The following EPHA6 variants were observed in gnomAD, a reference collection of about 807,000 sequenced individuals.
EPHA6 encodes ephrin type-A receptor 6.
A neutral mutation model predicts 112.0 loss-of-function variants in EPHA6; 50 were observed. That is an observed-to-expected ratio of 0.45 (90% CI 0.36 to 0.56). EPHA6 has a LOEUF of 0.56. Ranked by LOEUF, EPHA6 falls within the 20% of genes least tolerant of loss-of-function variation. The probability of loss-of-function intolerance (pLI) is 0.00; values close to 1 mark genes in which losing one functional copy is unlikely to be tolerated. For synonymous variants in EPHA6, 529 were observed against 490.7 expected (o/e 1.08, Z -1.03); for missense variants, 1,280 against 1,417.4 (o/e 0.90, Z 1.56).
At chr3:97,048,217 C>T (rs1041986432) in intron 3 of EPHA6, among the ~76,000 whole-genome samples, 3 of 152,110 alleles carry the variant, frequency 2.0e-5, no homozygotes, top group Non-Finnish European at 4.4e-5. Flanking sequence ...AAGGCTGAAT[C>T]TTTTGAGAGA....
At chr3:97,565,018 T>A (rs1661090686) in intron 11 of EPHA6, among the ~76,000 whole-genome samples, 1 of 152,134 alleles carries the variant, frequency 6.6e-6, no homozygotes, top group Non-Finnish European at 1.5e-5. Context: ...ATATCCACAA[T>A]ATTCAATCCA....
chr3:97,277,447 T>C (rs555445123), intron 5 of EPHA6, among the ~76,000 whole-genome samples: 27 of 152,284 alleles, frequency 1.8e-4, no homozygotes, highest in Admixed American at 1.1e-3. Context: ...TTTTCACTTC[T>C]TTTGTGGTGG....
rs181799819 is a variant in EPHA6, at chr3:96,938,011, C to A, written c.451-49319C>A. On this transcript the variant is annotated intron_variant, in intron 2 of 17. Coordinates refer to ENST00000389672, the MANE Select transcript of EPHA6 (RefSeq NM_001080448.3). ...TACCATGCTGTTTTGGTTACTGTAGCCTTGTAGTATAGTTTGAAGTCAGGT... is the reference window on the plus strand; with the variant it reads ...TACCATGCTGTTTTGGTTACTGTAGACTTGTAGTATAGTTTGAAGTCAGGT... 2.9e-3 allele frequency among the ~76,000 whole-genome samples: 447 copies of A among 152,144 alleles called. 4 individuals carry two copies. The highest frequency in any genetic ancestry group is 9.9e-3 in the African/African-American group (409 of 41,512).
At chr3:97,281,793 C>T (rs1182352104) in intron 5 of EPHA6, among the ~76,000 whole-genome samples, 3 of 152,136 alleles carry the variant, frequency 2.0e-5, no homozygotes, top group Non-Finnish European at 4.4e-5. Flanking sequence ...ATCCTCATTT[C>T]ACAGGTGAAT....
At chr3:97,727,433 T>C (rs1167964633) in intron 15 of EPHA6, among the ~76,000 whole-genome samples, 1 of 152,094 alleles carries the variant, frequency 6.6e-6, no homozygotes. Context: ...CATAATTCTA[T>C]AACCTTTCTC....
intron 14 of EPHA6, among the ~76,000 whole-genome samples, chr3:97,641,895 G>A (rs2094009673): frequency 6.6e-6 from 1 of 151,570 alleles, no homozygotes; most frequent in South Asian, 2.1e-4. Context: ...GCTTGCTTAG[G>A]TAAACAAAGC....
intron 2 of EPHA6, among the ~76,000 whole-genome samples, chr3:96,926,662 T>C (rs1463887385): frequency 1.3e-5 from 2 of 152,224 alleles, no homozygotes; most frequent in Non-Finnish European, 2.9e-5. Flanking sequence ...CCCATGCAAG[T>C]CCAAACATTA....
intron 14 of EPHA6, among the ~76,000 whole-genome samples, chr3:97,696,672 T>A (rs1273649060): frequency 6.6e-6 from 1 of 152,122 alleles, no homozygotes; most frequent in African/African-American, 2.4e-5. Context: ...CACAGCTAGA[T>A]CCTAACATAA....
chr3:96,968,146 A>T (rs1326947955), intron 2 of EPHA6, among the ~76,000 whole-genome samples: 1 of 151,664 alleles, frequency 6.6e-6, no homozygotes, highest in Non-Finnish European at 1.5e-5. Flanking sequence ...AAACTATTAC[A>T]CTTAATTTTT....
intron 4 of EPHA6, among the ~76,000 whole-genome samples, chr3:97,229,931 C>T (rs529400314): frequency 6.6e-6 from 1 of 151,990 alleles, no homozygotes; most frequent in South Asian, 2.1e-4. Flanking sequence ...CAAAATAAAA[C>T]TTCTTAATAT....
At chr3:97,362,889 T>A (rs2084452216) in intron 5 of EPHA6, among the ~76,000 whole-genome samples, 2 of 151,688 alleles carry the variant, frequency 1.3e-5, no homozygotes. Flanking sequence ...ATTAAGTGTA[T>A]TAAGTTTATT....
chr3:96,931,340 C>T (rs1249167576), intron 2 of EPHA6, among the ~76,000 whole-genome samples: 3 of 152,180 alleles, frequency 2.0e-5, no homozygotes, highest in African/African-American at 4.8e-5. Context: ...GGAACCCTTT[C>T]TTGTCTGGAC....
intron 13 of EPHA6, among the ~76,000 whole-genome samples, chr3:97,625,684 G>A (rs1369955806): frequency 1.3e-5 from 2 of 151,196 alleles, no homozygotes; most frequent in Admixed American, 1.3e-4. Flanking sequence ...ATATTTTGAT[G>A]GTCTGTTGTT....
chr3:97,024,730 T>C (rs1411591407), intron 3 of EPHA6, among the ~76,000 whole-genome samples: 1 of 152,204 alleles, frequency 6.6e-6, no homozygotes, highest in Non-Finnish European at 1.5e-5. Context: ...ACACAGTTTC[T>C]TCCTGCAAAG....
intron 3 of EPHA6, among the ~76,000 whole-genome samples, chr3:97,149,915 A>G (rs945349707): frequency 2.0e-5 from 3 of 151,076 alleles, no homozygotes; most frequent in African/African-American, 4.9e-5. Context: ...TCAGGATACT[A>G]GAAACTCTCT....
intron 2 of EPHA6, among the ~76,000 whole-genome samples, chr3:96,884,516 A>G (rs1277003806): frequency 6.6e-6 from 1 of 151,996 alleles, no homozygotes; most frequent in Non-Finnish European, 1.5e-5. Flanking sequence ...TCTTGATTTG[A>G]TTCTGTTTAG....
chr3:96,928,091 T>A (rs1309519773), intron 2 of EPHA6, among the ~76,000 whole-genome samples: 1 of 152,200 alleles, frequency 6.6e-6, no homozygotes, highest in Non-Finnish European at 1.5e-5. Context: ...CCCCATGACA[T>A]GATCACCTCT....
At chr3:97,330,763 A>G (rs146298246) in intron 5 of EPHA6, among the ~76,000 whole-genome samples, 3 of 152,140 alleles carry the variant, frequency 2.0e-5, no homozygotes, top group African/African-American at 2.4e-5. Flanking sequence ...TTAGAGACCT[A>G]CAAAGTGACT....
At chr3:97,440,065 T>G (rs561646737) in intron 6 of EPHA6, among the ~76,000 whole-genome samples, 1 of 152,132 alleles carries the variant, frequency 6.6e-6, no homozygotes, top group Non-Finnish European at 1.5e-5. Context: ...GTAAACTACA[T>G]TTTTCAGGAA....
Sources: allele counts gnomAD v4.1 joint callset (sites outside exome capture counted in the v4.1 genomes callset), GRCh38; gene constraint gnomAD v4.1.1; transcripts MANE v1.5; gene names NCBI Gene and HGNC (gene_info 2026-07-23, HGNC 2026-07-21).